PRDM12: variants seen among roughly 807,000 people sequenced by gnomAD.
PRDM12 encodes PR domain zinc finger protein 12.
In PRDM12, 17 loss-of-function variants were observed where a neutral mutation model predicts 29.6. The ratio of observed to expected loss-of-function variants is 0.57; its 90% CI spans 0.39 to 0.86. The LOEUF is 0.86. Among genes scored for constraint, PRDM12 ranks in the 40% least tolerant of loss-of-function variants. The pLI, the probability that PRDM12 is intolerant of heterozygous loss-of-function variation, is 0.00. For synonymous variants in PRDM12, 231 were observed against 225.8 expected (o/e 1.02, Z -0.21); for missense variants, 422 against 510.8 (o/e 0.83, Z 1.68).
intron 3 of PRDM12, among the ~76,000 whole-genome samples, chr9:130,677,292 G>C (rs920906726): frequency 6.6e-6 from 1 of 152,200 alleles, no homozygotes; most frequent in Non-Finnish European, 1.5e-5. Context: ...TCCAGGCTCT[G>C]ACCAGAGGAA....
chr9:130,677,876 C>T (rs1830857495), intron 3 of PRDM12, among the ~76,000 whole-genome samples: 1 of 152,158 alleles, frequency 6.6e-6, no homozygotes, highest in Non-Finnish European at 1.5e-5. Flanking sequence ...GGTTCTCTGT[C>T]ATTGACCTAG....
chr9:130,679,684 A>G (rs760562015), intron 4 of PRDM12, among the ~76,000 whole-genome samples: 24 of 146,498 alleles, frequency 1.6e-4, no homozygotes, highest in Non-Finnish European at 2.4e-4. Context: ...TTTTTGAGAC[A>G]GAGTCTCTCT....
intron 1 of PRDM12, among the ~76,000 whole-genome samples, 175 bp from the exon 2 acceptor site, chr9:130,666,433 C>G (rs1355619304): frequency 6.6e-6 from 1 of 152,218 alleles, no homozygotes; most frequent in Non-Finnish European, 1.5e-5. Flanking sequence ...GAGGAGAGGT[C>G]GTTGAGCCTC....
At chr9:130,679,910 C>T (rs753832000) in intron 4 of PRDM12, among the ~76,000 whole-genome samples, 12 of 151,372 alleles carry the variant, frequency 7.9e-5, no homozygotes, top group Non-Finnish European at 1.5e-4. Flanking sequence ...ATCCTCCTGC[C>T]TCTGCCTCCC....
chr9:130,680,648 TATATATATATATTTTTTTTTTTTTTA>T (rs1830888454), intron 4 of PRDM12, among the ~76,000 whole-genome samples: 1 of 81,980 alleles, frequency 1.2e-5, no homozygotes, highest in Non-Finnish European at 2.3e-5. Context: ...TATATATATA[TATATATATATATTTTTTTTTTTTTTA>T]ACTGATCCTT....
chr9:130,675,656 A>G (rs1830835286), intron 3 of PRDM12, among the ~76,000 whole-genome samples: 1 of 152,206 alleles, frequency 6.6e-6, no homozygotes, highest in Non-Finnish European at 1.5e-5. Flanking sequence ...CTGCACCCCA[A>G]ACACCACTCA....
chr9:130,674,953 C>T (rs1210855839), intron 3 of PRDM12, among the ~76,000 whole-genome samples: 1 of 152,132 alleles, frequency 6.6e-6, no homozygotes, highest in African/African-American at 2.4e-5. Context: ...GATCTCAGCT[C>T]ACTGCAACCT....
chr9:130,679,339 T>C (rs1282928083), intron 4 of PRDM12, among the ~76,000 whole-genome samples: 1 of 148,298 alleles, frequency 6.7e-6, no homozygotes, highest in Non-Finnish European at 1.5e-5. Flanking sequence ...CCTTTTTTTT[T>C]TTTTTTTTTT....
At position 130,668,465 on chromosome 9, in the gene PRDM12, G is replaced by A; in HGVS notation, c.570+152G>A. ...CTGCGCAGGCCATGGGGCTGTGGCA[G>A]ACAGGTGGGTCTCCAGACATCCCGC... On this transcript the variant is annotated intron_variant, in intron 3 of 4. Transcript: ENST00000253008. This position sits in a 1 kb window ranked among gnomAD's most constrained non-coding sequence, Gnocchi z 4.0. The A allele has an allele frequency of 7.9e-7, 1 of 1,266,748 alleles. No homozygotes were observed. 78.5% of individuals were successfully genotyped at this position (1,266,748 alleles called of 1,614,324 possible). A position where few individuals can be genotyped will look rare whatever the true frequency, so the allele number is the denominator to read the frequency against.
At chr9:130,666,488 G>T in intron 1 of PRDM12, 120 bp from the exon 2 acceptor site, 1 of 1,317,114 alleles carries the variant, frequency 7.6e-7, no homozygotes, top group Non-Finnish European at 1.0e-6. Context: ...CTCTGGATTT[G>T]GGGCCGACTT....
In PRDM12 at chr9:130,681,468, C is replaced by T; in HGVS notation, c.903C>T (p.Cys301=). The stretch of plus-strand genomic sequence containing the variant: ...ACACGGGCGAGCGCCCCTACAAGTG[C>T]CAGGTGTGCCAGAGCGCCTACTCGC... The part of the protein sequence containing the change: ...RLHTGERPYK[C]QVCQSAYSQL... Residue 301 remains cysteine, a synonymous_variant, in exon 5 of 5, where the codon TGC becomes TGT. Coordinates refer to ENST00000253008, the MANE Select transcript of PRDM12 (RefSeq NM_021619.3). The surrounding 1 kb of genome is among the most constrained non-coding windows in gnomAD (Gnocchi z 8.1). The T allele has an allele frequency of 6.4e-7, 1 of 1,557,760 alleles. No homozygotes were observed.
Position 130,667,516 on chromosome 9 carries a change from C to T in PRDM12, c.415-642C>T, listed in dbSNP as rs1358409125. Among the ~76,000 whole-genome samples, 12 of 133,424 alleles carry T rather than the reference C, an allele frequency of 9.0e-5. No homozygotes were observed. In the East Asian group the frequency reaches 2.3e-3, roughly 25 times the overall value. The allele number at this position is 133,424 out of a possible 152,430, so 87.5% of individuals were successfully genotyped here. A position where few individuals can be genotyped will look rare whatever the true frequency, so the allele number is the denominator to read the frequency against. On this transcript the variant is annotated intron_variant, in intron 2 of 4. Transcript: ENST00000253008. ...CCCTTCCTAAACTCATTCCCTCGCC[C>T]GCTCCCCCACTCCAGCTCCCCCCGG...
At chr9:130,674,010 C>CTTTTTTT (rs35863613) in intron 3 of PRDM12, among the ~76,000 whole-genome samples, 27 of 71,856 alleles carry the variant, frequency 3.8e-4, no homozygotes, top group Admixed American at 6.7e-4. Context: ...TTCTTTCTTT[C>CTTTTTTT]TTTTTTTTTT....
chr9:130,664,860 G>T lies in PRDM12; in HGVS notation c.207G>T (p.Ala69=). ...CAGCCTTCACCGCCGAGGTGCTGGC[G>T]CAGTCCTTCTCCGGCGGTGAGTCCA... ...PKTAFTAEVL[A]QSFSGEVQKL... is the part of the protein sequence containing the mutation. The change falls in exon 1 of 5, where the codon GCG becomes GCT. Residue 69 remains alanine (A), a synonymous_variant. Coordinates refer to ENST00000253008, the MANE Select transcript of PRDM12 (RefSeq NM_021619.3). The surrounding 1 kb of genome is among the most constrained non-coding windows in gnomAD (Gnocchi z 6.4). 4 of 1,542,222 alleles carry T rather than the reference G, an allele frequency of 2.6e-6. No individual in the cohort carries two copies. Among genetic ancestry groups the T allele is most frequent in the Non-Finnish European group, 8.7e-7 (1 of 1,143,848 alleles).
chr9:130,676,495 C>CA (rs373307754), intron 3 of PRDM12, among the ~76,000 whole-genome samples: 25 of 148,546 alleles, frequency 1.7e-4, no homozygotes, highest in African/African-American at 4.5e-4. Flanking sequence ...GACTCCGTCT[C>CA]AAAAAAAAAC....
chr9:130,669,291 C>A (rs958490652), intron 3 of PRDM12, among the ~76,000 whole-genome samples: 16 of 151,650 alleles, frequency 1.1e-4, no homozygotes, highest in African/African-American at 3.4e-4. Context: ...CACGCCACTG[C>A]ACTCCAGCCT....
At position 130,681,811 on chromosome 9, in the gene PRDM12, G is replaced by T. The variant is rs1032264294; in HGVS notation, c.*142G>T. ...GCGCTGGGGTTGCGCCCCGGAGGCG[G>T]ATCTCAGGCACCCCCGCCTTGGCCC... On this transcript the variant is annotated 3_prime_UTR_variant, in exon 5 of 5. Coordinates refer to ENST00000253008, the MANE Select transcript of PRDM12 (RefSeq NM_021619.3). The surrounding 1 kb of genome is among the most constrained non-coding windows in gnomAD (Gnocchi z 8.1). 5.3e-6 allele frequency: 4 copies of T among 760,244 alleles called. No homozygotes were observed. The highest frequency in any genetic ancestry group is 1.9e-5 in the African/African-American group (1 of 52,496). 47.1% of individuals were successfully genotyped at this position (760,244 alleles called of 1,614,324 possible).
intron 3 of PRDM12, among the ~76,000 whole-genome samples, chr9:130,670,405 G>T (rs1830779183): frequency 1.3e-5 from 2 of 152,158 alleles, no homozygotes; most frequent in Admixed American, 1.3e-4. Flanking sequence ...ACAGCAGGGG[G>T]CCTAGCCTGG....
At chr9:130,677,246 G>A (rs1830851378) in intron 3 of PRDM12, among the ~76,000 whole-genome samples, 1 of 152,160 alleles carries the variant, frequency 6.6e-6, no homozygotes, top group Non-Finnish European at 1.5e-5. Context: ...TTCTTTTCAG[G>A]GGTGAGCAGA....
Sources: allele counts gnomAD v4.1 joint callset (sites outside exome capture counted in the v4.1 genomes callset), GRCh38; gene constraint gnomAD v4.1.1; non-coding constraint Gnocchi (gnomAD v3.1); transcripts MANE v1.5; gene names NCBI Gene and HGNC (gene_info 2026-07-23, HGNC 2026-07-21).